Variants in PTPRS observed in about 807,000 individuals in gnomAD.
PTPRS encodes receptor-type tyrosine-protein phosphatase S.
PTPRS carries 63 observed loss-of-function variants against 215.3 expected under a neutral mutation model. The observed-to-expected ratio is 0.29, with a 90% CI of 0.24 to 0.36. The LOEUF (loss-of-function observed/expected upper bound fraction) is 0.36, where lower values mean the gene tolerates loss of function less well. Among genes scored for constraint, PTPRS ranks in the 10% least tolerant of loss-of-function variants. PTPRS has a pLI of 1.00. For missense variants in PTPRS, 2,258 were observed against 2,825.8 expected (o/e 0.80, Z 4.56); for synonymous variants, 1,404 against 1,191.4 (o/e 1.18, Z -3.68).
intron 1 of PTPRS, among the ~76,000 whole-genome samples, chr19:5,302,618 C>T (rs1343132221): frequency 6.6e-6 from 1 of 152,104 alleles, no homozygotes; most frequent in Admixed American, 6.6e-5. Flanking sequence ...CTGAGATCAC[C>T]CTGAATCTCC....
In PTPRS at chr19:5,338,985, G is replaced by A. The variant is rs2050597496; in HGVS notation, c.-95+1679C>T. On this transcript the variant is annotated intron_variant, in intron 1 of 37. Coordinates refer to ENST00000262963, the MANE Select transcript of PTPRS (RefSeq NM_002850.4). The surrounding 1 kb of genome is among the most constrained non-coding windows in gnomAD (Gnocchi z 4.2). ...AAAGTCCGGGTGGTGGCGGACGGGA[G>A]CCCGGAGCGTGTGGGTCCCTGTCCT... Among the ~76,000 whole-genome samples, 1 of 152,220 alleles carries A rather than the reference G, an allele frequency of 6.6e-6. No individual in the cohort carries two copies. The highest frequency in any genetic ancestry group is 2.4e-5 in the African/African-American group (1 of 41,462).
At chr19:5,220,936 T>C in intron 20 of PTPRS, 64 bp downstream of exon 20, 1 of 1,531,318 alleles carries the variant, frequency 6.5e-7, no homozygotes, top group Non-Finnish European at 8.8e-7. Flanking sequence ...GCACGTGGCT[T>C]GCCCCAGCCA....
Position 5,295,722 on chromosome 19 carries a change from T to A in PTPRS, c.-94-9488A>T, listed in dbSNP as rs2049115250. ...TCCAAAGGCCACACTGTGTGTGCCC[T>A]TGTCATAAAGCAGGCATCTTCACCT... On this transcript the variant is annotated intron_variant, in intron 1 of 37. Transcript: ENST00000262963. The surrounding 1 kb of genome is among the most constrained non-coding windows in gnomAD (Gnocchi z 4.6). Among the ~76,000 whole-genome samples, 1 of 152,164 alleles carries A rather than the reference T, an allele frequency of 6.6e-6. No individual in the cohort carries two copies. The highest frequency in any genetic ancestry group is 1.5e-5 in the Non-Finnish European group (1 of 68,030).
intron 12 of PTPRS, 21 bp downstream of exon 12, chr19:5,240,178 C>A: frequency 1.3e-6 from 2 of 1,510,752 alleles, no homozygotes; most frequent in East Asian, 2.6e-5. Context: ...GGCAGGCCAG[C>A]CCGTCCCCGC....
intron 30 of PTPRS, among the ~76,000 whole-genome samples, chr19:5,213,980 T>C (rs1338522495): frequency 7.9e-5 from 12 of 152,218 alleles, no homozygotes; most frequent in Non-Finnish European, 1.5e-5. Context: ...TATCTGTCCA[T>C]CTCTGTCTGG....
chr19:5,207,119 G>C (rs1024854921), intron 37 of PTPRS, among the ~76,000 whole-genome samples: 7 of 152,210 alleles, frequency 4.6e-5, no homozygotes, highest in Non-Finnish European at 1.5e-5. Context: ...GAGTCTCGCT[G>C]TGTTGCCCAG....
At chr19:5,264,958 C>G in intron 5 of PTPRS, 50 bp downstream of exon 5, 1 of 1,598,682 alleles carries the variant, frequency 6.3e-7, no homozygotes, top group African/African-American at 1.3e-5. Flanking sequence ...TGCTCCCCAC[C>G]CCCTGCTGCC....
chr19:5,278,721 C>T (rs2047603296), intron 2 of PTPRS, among the ~76,000 whole-genome samples: 1 of 151,942 alleles, frequency 6.6e-6, no homozygotes, highest in South Asian at 2.1e-4. Flanking sequence ...GTGATCCAAC[C>T]ACCTCAGCCT....
At position 5,222,785 on chromosome 19, in the gene PTPRS, C is replaced by G; in HGVS notation, c.3007G>C (p.Asp1003His). Reference protein sequence around the residue: ...NALTLQGLKPDTAYDLQVRAH... With the variant: ...NALTLQGLKPHTAYDLQVRAH... ...CGCACTTGGAGGTCATAGGCCGTGTCGGGCTTCAGGCCCTGCAGCGTGAGC... is the reference window on the plus strand; with the variant it reads ...CGCACTTGGAGGTCATAGGCCGTGTGGGGCTTCAGGCCCTGCAGCGTGAGC... The change falls in exon 18 of 38, where the codon GAC becomes CAC. Residue 1003 changes from aspartate (D) to histidine (H), a missense_variant. Asp to His is a moderately conservative substitution (Grantham distance 81, BLOSUM62 -1). Coordinates refer to ENST00000262963, the MANE Select transcript of PTPRS (RefSeq NM_002850.4). 6.3e-7 allele frequency: 1 copy of G among 1,598,748 alleles called. No homozygotes were observed. Among genetic ancestry groups the G allele is most frequent in the Non-Finnish European group, 8.5e-7 (1 of 1,178,632 alleles).
chr19:5,255,839 T>G (rs1489860554), intron 9 of PTPRS, among the ~76,000 whole-genome samples: 1 of 152,266 alleles, frequency 6.6e-6, no homozygotes, highest in South Asian at 2.1e-4. Flanking sequence ...ATCGCATGTG[T>G]GCGGCCGGCC....
At position 5,244,650 on chromosome 19, in the gene PTPRS, T is replaced by C. The variant is rs1181763140; in HGVS notation, c.989-168A>G. On this transcript the variant is annotated intron_variant, in intron 10 of 37. Coordinates refer to ENST00000262963, the MANE Select transcript of PTPRS (RefSeq NM_002850.4). This position sits in a 1 kb window ranked among gnomAD's most constrained non-coding sequence, Gnocchi z 7.2. The stretch of plus-strand genomic sequence containing the variant: ...GTCTACAGCAAGGGGTAACAAACTA[T>C]GGCCCAGGGTCCACCCAGTACCCAT... 1.3e-5 allele frequency among the ~76,000 whole-genome samples: 2 copies of C among 152,190 alleles called. No individual in the cohort carries two copies. Among genetic ancestry groups the C allele is most frequent in the Non-Finnish European group, 2.9e-5 (2 of 68,030 alleles).
intron 35 of PTPRS, among the ~76,000 whole-genome samples, chr19:5,209,617 A>G (rs1035691331): frequency 5.9e-5 from 9 of 151,916 alleles, no homozygotes; most frequent in African/African-American, 2.2e-4. Context: ...TTTCCCATTG[A>G]TTTTCTCCAC....
intron 14 of PTPRS, among the ~76,000 whole-genome samples, chr19:5,231,090 C>G (rs1367664395): frequency 6.6e-6 from 1 of 152,252 alleles, no homozygotes; most frequent in East Asian, 1.9e-4. Flanking sequence ...GCACGAGGCT[C>G]TGGGAGCAGA....
At chr19:5,269,116 C>G (rs1361486084) in intron 4 of PTPRS, among the ~76,000 whole-genome samples, 2 of 152,148 alleles carry the variant, frequency 1.3e-5, no homozygotes, top group Non-Finnish European at 2.9e-5. Context: ...TGCTCGTGTG[C>G]CTACGAGGGA....
chr19:5,296,987 A>G (rs1308280961), intron 1 of PTPRS, among the ~76,000 whole-genome samples: 1 of 152,130 alleles, frequency 6.6e-6, no homozygotes, highest in African/African-American at 2.4e-5. Flanking sequence ...TAAACGGCTC[A>G]TTTGGGGATG....
At chr19:5,292,859 TG>T in intron 1 of PTPRS, 1 of 134,378 alleles carries the variant, frequency 7.4e-6, no homozygotes, top group Non-Finnish European at 1.6e-5. Context: ...GGAGAGGGGG[TG>T]GGGGGAGGAG....
At chr19:5,272,194 G>T (rs1043210447) in intron 4 of PTPRS, among the ~76,000 whole-genome samples, 11 of 152,158 alleles carry the variant, frequency 7.2e-5, no homozygotes, top group African/African-American at 2.7e-4. Flanking sequence ...AGGGTTTGTA[G>T]GCGGCTGTTT....
chr19:5,240,921 ACT>A (rs928863080), intron 11 of PTPRS, among the ~76,000 whole-genome samples: 8 of 131,770 alleles, frequency 6.1e-5, no homozygotes, highest in Non-Finnish European at 1.3e-4. Flanking sequence ...ATGGAGTCTC[ACT>A]CTGTCACCCA....
At position 5,274,418 on chromosome 19, in the gene PTPRS, A is replaced by C. The variant is rs2047182565; in HGVS notation, c.92-74T>G. On this transcript the variant is annotated intron_variant, in intron 2 of 37. Transcript: ENST00000262963. ...TGGCTAGGATACCAAGGAGCCACGAAAACCTGCATTCCATGCCCTGCCCAC... is the reference window on the plus strand; with the variant it reads ...TGGCTAGGATACCAAGGAGCCACGACAACCTGCATTCCATGCCCTGCCCAC... The C allele has an allele frequency of 3.4e-6, 5 of 1,487,152 alleles. No individual in the cohort carries two copies. The South Asian group carries it at 3.9e-5, about 12-fold the overall frequency. 92.1% of individuals were successfully genotyped at this position (1,487,152 alleles called of 1,614,324 possible). A position where few individuals can be genotyped will look rare whatever the true frequency, so the allele number is the denominator to read the frequency against.
Sources: gnomAD v4.1 joint callset for allele counts (sites outside exome capture counted in the v4.1 genomes callset) on GRCh38, gnomAD v4.1.1 for gene constraint, Gnocchi (gnomAD v3.1) non-coding constraint, MANE v1.5 for transcripts, NCBI Gene and HGNC (gene_info 2026-07-23, HGNC 2026-07-21) for gene names.